Variants in EIF4G3 observed in about 807,000 individuals in gnomAD.
EIF4G3 encodes eukaryotic translation initiation factor 4 gamma 3.
EIF4G3 carries 34 observed loss-of-function variants against 186.4 expected under a neutral mutation model. The observed-to-expected ratio is 0.18, with a 90% CI of 0.14 to 0.24. The LOEUF (loss-of-function observed/expected upper bound fraction) is 0.24. EIF4G3 is among the 10% of genes least tolerant of loss of function. EIF4G3 has a pLI of 1.00. For synonymous variants in EIF4G3, 673 were observed against 679.5 expected (o/e 0.99, Z 0.15); for missense variants, 1,536 against 1,948.5 (o/e 0.79, Z 3.99).
Position 20,895,485 on chromosome 1 carries a change from A to G in EIF4G3, c.2016T>C (p.Thr672=), listed in dbSNP as rs924473768. The change falls in exon 17 of 37, where the codon ACT becomes ACC. Residue 672 remains threonine (T), a synonymous_variant. Coordinates refer to ENST00000602326, the MANE Select transcript of EIF4G3 (RefSeq NM_001391906.1). The stretch of plus-strand genomic sequence containing the variant: ...CATACTGCTTCTTACCTTCAGTATC[A>G]GTAGGCTTCCAGGATTCTAGAAAGA... ...FPFKPESWKP[T]DTEGKKQYDR... is the part of the protein sequence containing the mutation. 7.4e-6 allele frequency: 12 copies of G among 1,613,948 alleles called. No individual in the cohort carries two copies. Among genetic ancestry groups the G allele is most frequent in the Non-Finnish European group, 1.0e-5 (12 of 1,179,940 alleles).
intron 6 of EIF4G3, 110 bp from the exon 7 acceptor site, chr1:20,997,743 T>C: frequency 2.5e-6 from 2 of 797,994 alleles, no homozygotes; most frequent in Non-Finnish European, 3.9e-6. Flanking sequence ...AAACCCACAG[T>C]GGGGAAATAA....
chr1:21,142,923 A>C (rs909806331), intron 2 of EIF4G3, among the ~76,000 whole-genome samples: 2 of 152,194 alleles, frequency 1.3e-5, no homozygotes, highest in African/African-American at 4.8e-5. Flanking sequence ...TATTACTGAA[A>C]CATAAAACTG....
Position 20,806,909 on chromosome 1 carries a change from T to C in EIF4G3, c.*410A>G, listed in dbSNP as rs2058193728. The stretch of plus-strand genomic sequence containing the variant: ...CTTGAAGGGGAGGGAAATTTATTTC[T>C]CTGCTTTTCTATTATACAAGTTGTT... On this transcript the variant is annotated 3_prime_UTR_variant, in exon 37 of 37. Transcript: ENST00000602326. 1 of 152,972 alleles carries C rather than the reference T, an allele frequency of 6.5e-6. No homozygotes were observed. The highest frequency in any genetic ancestry group is 1.5e-5 in the Non-Finnish European group (1 of 68,306). The allele number at this position is 152,972 out of a possible 1,614,324, so 9.5% of individuals were successfully genotyped here.
At chr1:20,979,811 C>T (rs983819605) in intron 10 of EIF4G3, among the ~76,000 whole-genome samples, 10 of 150,180 alleles carry the variant, frequency 6.7e-5, no homozygotes, top group Non-Finnish European at 1.2e-4. Flanking sequence ...AGTGCAGTGG[C>T]GTGATCTCGG....
intron 3 of EIF4G3, among the ~76,000 whole-genome samples, chr1:21,080,819 A>G (rs890055587): frequency 6.6e-6 from 1 of 152,166 alleles, no homozygotes; most frequent in South Asian, 2.1e-4. Flanking sequence ...TGAATTTTTC[A>G]TAAGCAGTTA....
At chr1:21,012,587 A>C (rs1420069816) in intron 4 of EIF4G3, among the ~76,000 whole-genome samples, 2 of 152,172 alleles carry the variant, frequency 1.3e-5, no homozygotes, top group Non-Finnish European at 2.9e-5. Flanking sequence ...AACTCAAGAA[A>C]CCGGTAAGAA....
At chr1:20,857,626 C>A (rs533139442) in intron 24 of EIF4G3, 129 bp from the exon 25 acceptor site, 79 of 808,690 alleles carry the variant, frequency 9.8e-5, no homozygotes, top group Non-Finnish European at 1.5e-4. Flanking sequence ...ATGACAATAT[C>A]TTTAATCCCA....
chr1:21,010,664 T>C (rs1053214241), intron 4 of EIF4G3, among the ~76,000 whole-genome samples: 4 of 152,250 alleles, frequency 2.6e-5, no homozygotes, highest in African/African-American at 7.2e-5. Context: ...ACATAGCCCA[T>C]GGCTAACATA....
At chr1:20,986,744 C>CAAAAAAAAAAAAAAAAAAAAAAAAAAAA (rs61255473) in intron 7 of EIF4G3, among the ~76,000 whole-genome samples, 2 of 66,304 alleles carry the variant, frequency 3.0e-5, no homozygotes, top group African/African-American at 6.8e-5. Context: ...GCTCTGTCTC[C>CAAAAAAAAAAAAAAAAAAAAAAAAAAAA]AAAAAAAAAA....
intron 10 of EIF4G3, 76 bp from the exon 11 acceptor site, chr1:20,973,175 C>CATTGCTAGT: frequency 9.4e-7 from 1 of 1,068,132 alleles, no homozygotes; most frequent in Non-Finnish European, 1.4e-6. Context: ...GACACTGTGT[C>CATTGCTAGT]TCTGCACAAT....
intron 26 of EIF4G3, among the ~76,000 whole-genome samples, chr1:20,854,342 C>A (rs1486340541): frequency 1.3e-5 from 2 of 151,844 alleles, no homozygotes; most frequent in African/African-American, 2.4e-5. Context: ...AATTTAGGGT[C>A]CCAGTAATTT....
intron 14 of EIF4G3, among the ~76,000 whole-genome samples, chr1:20,928,100 T>A (rs17450586): frequency 6.6e-6 from 1 of 151,880 alleles, no homozygotes; most frequent in African/African-American, 2.4e-5. Context: ...GGTGGTACAT[T>A]CAATACCAAG....
intron 5 of EIF4G3, among the ~76,000 whole-genome samples, chr1:21,001,733 G>A (rs2154568906): frequency 6.6e-6 from 1 of 152,192 alleles, no homozygotes; most frequent in East Asian, 1.9e-4. Flanking sequence ...AGGGCAACAG[G>A]GAAAAGGAAA....
At chr1:21,130,958 C>A (rs1208535900) in intron 2 of EIF4G3, among the ~76,000 whole-genome samples, 1 of 152,056 alleles carries the variant, frequency 6.6e-6, no homozygotes, top group Non-Finnish European at 1.5e-5. Flanking sequence ...TTGGGCCAGG[C>A]ACGGTGGCTC....
intron 12 of EIF4G3, among the ~76,000 whole-genome samples, chr1:20,956,331 G>A (rs36082446): frequency 0.027 from 4,178 of 152,268 alleles, 89 homozygotes; most frequent in Non-Finnish European, 0.038. Context: ...ATTTTGTGGG[G>A]AAACGGTGTG....
At chr1:21,159,971 T>C (rs2097733144) in intron 2 of EIF4G3, among the ~76,000 whole-genome samples, 1 of 152,136 alleles carries the variant, frequency 6.6e-6, no homozygotes, top group Admixed American at 6.6e-5. Context: ...CCAGGCATGA[T>C]GGCAGGTGCC....
chr1:20,847,907 G>A, intron 29 of EIF4G3: 1 of 455,654 alleles, frequency 2.2e-6, no homozygotes, highest in Non-Finnish European at 4.5e-6. Context: ...AGATAACCAA[G>A]GTGATTTTTA....
intron 2 of EIF4G3, among the ~76,000 whole-genome samples, chr1:21,142,689 ACT>A (rs1256753053): frequency 6.6e-6 from 1 of 152,170 alleles, no homozygotes; most frequent in Non-Finnish European, 1.5e-5. Flanking sequence ...CCCACTTCAT[ACT>A]CTGACATACT....
At chr1:20,981,006 C>T in intron 9 of EIF4G3, 42 bp downstream of exon 9, 3 of 1,430,510 alleles carry the variant, frequency 2.1e-6, no homozygotes, top group Non-Finnish European at 2.8e-6. Context: ...GGGTTAATTT[C>T]CACTCTATTG....
Sources: allele counts gnomAD v4.1 joint callset (sites outside exome capture counted in the v4.1 genomes callset), GRCh38; gene constraint gnomAD v4.1.1; transcripts MANE v1.5; gene names NCBI Gene and HGNC (gene_info 2026-07-23, HGNC 2026-07-21).